RBM6: variants seen among roughly 807,000 people sequenced by gnomAD.
The protein encoded by RBM6 is RNA-binding protein 6.
Under a neutral mutation model 140.4 loss-of-function variants are expected in RBM6, and 23 were observed. The ratio of observed to expected loss-of-function variants is 0.16; its 90% CI spans 0.12 to 0.23. The LOEUF is 0.23. Ranked by LOEUF, RBM6 falls within the 10% of genes least tolerant of loss-of-function variation. RBM6 has a pLI of 1.00. For synonymous variants in RBM6, 439 were observed against 475.6 expected (o/e 0.92, Z 1.00); for missense variants, 1,139 against 1,386.7 (o/e 0.82, Z 2.84).
intron 7 of RBM6, among the ~76,000 whole-genome samples, chr3:50,052,265 A>G (rs779022867): frequency 9.9e-5 from 15 of 152,276 alleles, no homozygotes; most frequent in Middle Eastern, 3.4e-3. Context: ...AGGTTTCTCC[A>G]TGTTGGCTAG....
intron 3 of RBM6, among the ~76,000 whole-genome samples, chr3:49,971,037 C>T (rs2084765187): frequency 6.6e-6 from 1 of 152,054 alleles, no homozygotes; most frequent in African/African-American, 2.4e-5. Context: ...GAAGCTGAGG[C>T]AGGTGGATCA....
chr3:49,965,624 C>T (rs1488371596), intron 2 of RBM6, among the ~76,000 whole-genome samples: 1 of 151,564 alleles, frequency 6.6e-6, no homozygotes, highest in Non-Finnish European at 1.5e-5. Flanking sequence ...GAGCCAATAT[C>T]GCGCCACTGC....
At chr3:50,074,065 G>A (rs2090386480) in intron 19 of RBM6, among the ~76,000 whole-genome samples, 2 of 152,126 alleles carry the variant, frequency 1.3e-5, no homozygotes, top group African/African-American at 4.8e-5. Flanking sequence ...CTGACCTCAG[G>A]TGATCCACCC....
At chr3:49,960,853 A>G (rs2084248146) in intron 1 of RBM6, among the ~76,000 whole-genome samples, 1 of 151,748 alleles carries the variant, frequency 6.6e-6, no homozygotes, top group African/African-American at 2.4e-5. Flanking sequence ...TACTTACTTC[A>G]TGTAGTAAAT....
chr3:49,948,664 A>T (rs966427231), intron 1 of RBM6, among the ~76,000 whole-genome samples: 9 of 150,616 alleles, frequency 6.0e-5, no homozygotes, highest in African/African-American at 2.2e-4. Context: ...GTGAGCCAAG[A>T]TTGCGCCACT....
In RBM6 at chr3:49,967,841, A is replaced by T. The variant is rs2084574789; in HGVS notation, c.416A>T (p.Asp139Val). The T allele has an allele frequency of 2.5e-6, 4 of 1,614,102 alleles. No individual in the cohort carries two copies. The highest frequency in any genetic ancestry group is 2.2e-5 in the East Asian group (1 of 44,886). Residue 139 changes from aspartate (D) to valine (V), a missense_variant, in exon 3 of 21, where the codon GAT becomes GTT. This residue lies in a region of RBM6 where 566 missense variants were observed against 612.7 expected (regional missense o/e 0.92). Coordinates refer to ENST00000266022, the MANE Select transcript of RBM6 (RefSeq NM_005777.3). This position sits in a 1 kb window ranked among gnomAD's most constrained non-coding sequence, Gnocchi z 4.0. Reference protein sequence around the residue: ...EGPPMDYRGGDGTSMDYRGRE... With the variant: ...EGPPMDYRGGVGTSMDYRGRE... ...CCACCTATGGACTATAGGGGTGGAGATGGTACTTCTATGGATTATAGAGGT... is the reference window on the plus strand; with the variant it reads ...CCACCTATGGACTATAGGGGTGGAGTTGGTACTTCTATGGATTATAGAGGT...
Position 49,968,191 on chromosome 3 carries a change from G to A in RBM6, c.766G>A (p.Asp256Asn). ...DFRDRDTPHSDFRGRHRSRTD... is the reference protein window; with the variant it reads ...DFRDRDTPHSNFRGRHRSRTD... ...TAGGGACAGGGATACGCCACATTCA[G>A]ATTTCAGAGGTAGACACCGATCTAG... Residue 256 changes from aspartate (D) to asparagine (N), a missense_variant, in exon 3 of 21, where the codon GAT becomes AAT. By Grantham distance (23) the Asp-to-Asn change is conservative. Around this residue, in one of 9 missense-constraint regions of RBM6, gnomAD observed 566 missense variants for 612.7 expected, o/e 0.92. Transcript: ENST00000266022. 6.2e-7 allele frequency: 1 copy of A among 1,614,144 alleles called. No homozygotes were observed. Among genetic ancestry groups the A allele is most frequent in the Non-Finnish European group, 8.5e-7 (1 of 1,180,032 alleles).
At chr3:49,941,664 A>C (rs13081092) in intron 1 of RBM6, among the ~76,000 whole-genome samples, 2 of 128,406 alleles carry the variant, frequency 1.6e-5, no homozygotes, top group Admixed American at 7.7e-5. Context: ...AAAAAAAAAA[A>C]AAAAAACCCG....
At chr3:49,942,698 G>A (rs1050192325) in intron 1 of RBM6, among the ~76,000 whole-genome samples, 5 of 151,978 alleles carry the variant, frequency 3.3e-5, no homozygotes, top group Admixed American at 3.3e-4. Flanking sequence ...TTCAAGAACA[G>A]CCTGGCCAAC....
intron 19 of RBM6, among the ~76,000 whole-genome samples, chr3:50,074,779 C>G (rs1455131000): frequency 6.6e-6 from 1 of 152,130 alleles, no homozygotes; most frequent in East Asian, 1.9e-4. Context: ...GTTAAATATA[C>G]TTACTTAATA....
intron 5 of RBM6, among the ~76,000 whole-genome samples, chr3:49,994,832 G>C (rs1191667651): frequency 6.6e-6 from 1 of 152,040 alleles, no homozygotes; most frequent in Non-Finnish European, 1.5e-5. Context: ...TGTGTATTCT[G>C]GGCTTTTTCA....
intron 6 of RBM6, among the ~76,000 whole-genome samples, chr3:50,011,523 T>C (rs1419474122): frequency 1.3e-5 from 2 of 152,204 alleles, no homozygotes; most frequent in African/African-American, 4.8e-5. Flanking sequence ...AGACCTTTCC[T>C]GGTTTCCTGA....
At chr3:49,943,693 A>G (rs1559507471) in intron 1 of RBM6, among the ~76,000 whole-genome samples, 1 of 151,896 alleles carries the variant, frequency 6.6e-6, no homozygotes, top group Non-Finnish European at 1.5e-5. Flanking sequence ...GCCTCAAGCC[A>G]TTTTCCCTCC....
intron 7 of RBM6, among the ~76,000 whole-genome samples, chr3:50,053,387 C>T (rs556348569): frequency 6.6e-6 from 1 of 152,160 alleles, no homozygotes; most frequent in South Asian, 2.1e-4. Flanking sequence ...CAAAATTAGC[C>T]AGGTGTAGTG....
At chr3:49,947,384 T>A (rs1490996052) in intron 1 of RBM6, among the ~76,000 whole-genome samples, 4 of 151,982 alleles carry the variant, frequency 2.6e-5, no homozygotes, top group African/African-American at 9.7e-5. Flanking sequence ...GAGCTGTGAT[T>A]GCACCACTGG....
chr3:50,024,945 T>G, intron 6 of RBM6, among the ~76,000 whole-genome samples: 1 of 151,246 alleles, frequency 6.6e-6, no homozygotes, highest in East Asian at 1.9e-4. Context: ...GAGCCGAGAT[T>G]GCGCCACTGC....
At chr3:50,074,179 T>C (rs766524815) in intron 19 of RBM6, among the ~76,000 whole-genome samples, 30 of 152,180 alleles carry the variant, frequency 2.0e-4, no homozygotes, top group Non-Finnish European at 4.1e-4. Flanking sequence ...CTTGGACAAA[T>C]TGTCTTTTGT....
rs1194060661 is a variant in RBM6, at chr3:49,946,713, T to C, written c.-67+6488T>C. 7.2e-5 allele frequency among the ~76,000 whole-genome samples: 11 copies of C among 151,894 alleles called. No homozygotes were observed. The East Asian group carries it at 2.1e-3, about 30-fold the overall frequency. ...ACCACGCCTGGCTAATTTTTGTATT[T>C]TAGTAGAGACAGGGTTTCACCATAT... On this transcript the variant is annotated intron_variant, in intron 1 of 20. Transcript: ENST00000266022.
At chr3:50,027,415 G>T (rs187701417) in intron 6 of RBM6, among the ~76,000 whole-genome samples, 1 of 152,192 alleles carries the variant, frequency 6.6e-6, no homozygotes, top group East Asian at 1.9e-4. Context: ...TCATAAAATT[G>T]TGCAACTATC....
Sources: allele counts gnomAD v4.1 joint callset (sites outside exome capture counted in the v4.1 genomes callset), GRCh38; gene constraint gnomAD v4.1.1; regional missense constraint gnomAD v4.1.1; non-coding constraint Gnocchi (gnomAD v3.1); transcripts MANE v1.5; gene names NCBI Gene and HGNC (gene_info 2026-07-23, HGNC 2026-07-21).